The following USP7 variants were observed in gnomAD, a reference collection of about 807,000 sequenced individuals.
The protein encoded by USP7 is ubiquitin C-terminal hydrolase 7.
Under a neutral mutation model 162.9 loss-of-function variants are expected in USP7, and 9 were observed. The observed-to-expected ratio is 0.06, with a 90% CI of 0.03 to 0.10. USP7 has a LOEUF of 0.10. Ranked by LOEUF, USP7 falls within the 10% of genes least tolerant of loss-of-function variation. The pLI is 1.00. For missense variants in USP7, 715 were observed against 1,373.7 expected (o/e 0.52, Z 7.58); for synonymous variants, 562 against 475.9 (o/e 1.18, Z -2.35).
At chr16:8,926,812 AG>A (rs1233661804) in intron 2 of USP7, among the ~76,000 whole-genome samples, 1 of 152,202 alleles carries the variant, frequency 6.6e-6, no homozygotes, top group Non-Finnish European at 1.5e-5. Flanking sequence ...TAAATGACAA[AG>A]CAACAAACTT....
At chr16:8,946,244 A>G (rs565227133) in intron 1 of USP7, among the ~76,000 whole-genome samples, 11 of 152,310 alleles carry the variant, frequency 7.2e-5, no homozygotes, top group Non-Finnish European at 1.3e-4. Flanking sequence ...AAATATTTGG[A>G]CATAATACCA....
At chr16:8,901,285 G>A (rs760418018) in intron 18 of USP7, 51 bp from the exon 19 acceptor site, 4 of 1,292,426 alleles carry the variant, frequency 3.1e-6, no homozygotes, top group Non-Finnish European at 4.4e-6. Context: ...TCAGCACAAT[G>A]CTTAAAAAAC....
intron 6 of USP7, among the ~76,000 whole-genome samples, chr16:8,917,672 C>A (rs1460725066): frequency 2.6e-5 from 4 of 152,164 alleles, no homozygotes; most frequent in African/African-American, 9.7e-5. Context: ...AGCTACCGCA[C>A]CCAGCCTCAC....
intron 30 of USP7, 90 bp from the exon 31 acceptor site, chr16:8,894,194 G>A (rs756523988): frequency 1.7e-5 from 21 of 1,215,278 alleles, no homozygotes; most frequent in Non-Finnish European, 2.4e-5. Context: ...GCATCCCTGT[G>A]GCTCCCCAAG....
intron 1 of USP7, 113 bp downstream of exon 1, chr16:8,963,094 G>A (rs1182723595): frequency 3.0e-6 from 3 of 994,850 alleles, no homozygotes; most frequent in South Asian, 3.5e-5. Flanking sequence ...GAGGCCCGGC[G>A]GCCGCCCGGG....
chr16:8,948,922 C>T (rs1448377283), intron 1 of USP7, among the ~76,000 whole-genome samples: 1 of 152,104 alleles, frequency 6.6e-6, no homozygotes, highest in Non-Finnish European at 1.5e-5. Context: ...TATGATCAAA[C>T]CACGGCACTC....
chr16:8,943,815 C>T (rs1005857695), intron 1 of USP7, among the ~76,000 whole-genome samples: 7 of 152,162 alleles, frequency 4.6e-5, no homozygotes, highest in Non-Finnish European at 8.8e-5. Flanking sequence ...TGAGCATTCA[C>T]GCTGGGGGAT....
intron 1 of USP7, among the ~76,000 whole-genome samples, chr16:8,946,253 C>T (rs186177726): frequency 3.3e-5 from 5 of 152,068 alleles, no homozygotes; most frequent in African/African-American, 1.2e-4. Flanking sequence ...GACATAATAC[C>T]AAAAGCAAGG....
At chr16:8,918,864 T>C (rs1897522111) in intron 6 of USP7, among the ~76,000 whole-genome samples, 167 bp downstream of exon 6, 1 of 152,098 alleles carries the variant, frequency 6.6e-6, no homozygotes, top group Non-Finnish European at 1.5e-5. Flanking sequence ...GGTTACAAAG[T>C]AGGTGTCCCA....
intron 11 of USP7, 86 bp downstream of exon 11, chr16:8,910,659 C>G: frequency 3.9e-6 from 5 of 1,279,058 alleles, no homozygotes; most frequent in South Asian, 1.3e-5. Flanking sequence ...TGAAAAGGCA[C>G]AAGCAAATTT....
intron 1 of USP7, among the ~76,000 whole-genome samples, chr16:8,932,883 T>C (rs939620432): frequency 6.6e-6 from 1 of 152,094 alleles, no homozygotes; most frequent in Non-Finnish European, 1.5e-5. Flanking sequence ...TATATTTATG[T>C]ACTAACTGAA....
intron 1 of USP7, among the ~76,000 whole-genome samples, chr16:8,958,501 A>C (rs1368007981): frequency 6.6e-6 from 1 of 152,210 alleles, no homozygotes; most frequent in Non-Finnish European, 1.5e-5. Context: ...GCAGGCTGGA[A>C]GCAGGACCAA....
rs908624717 is a variant in USP7 at position 8,963,392 on chromosome 16, GCCT to G, written c.-110_-108del. The G allele has an allele frequency of 1.7e-4, 34 of 198,050 alleles. No homozygotes were observed. The highest frequency in any genetic ancestry group is 2.5e-4 in the Non-Finnish European group (29 of 114,630). 12.3% of individuals were successfully genotyped at this position (198,050 alleles called of 1,614,324 possible). On this transcript the variant is annotated 5_prime_UTR_variant, in exon 1 of 31. Transcript: ENST00000344836. ...CGGCGGCGGCGGCGGCGGCGGGGCGGCCTCCTCCTCCTCCTCCCGCGCGTCGTC... is the reference window on the plus strand; with the variant it reads ...CGGCGGCGGCGGCGGCGGCGGGGCGGCCTCCTCCTCCTCCCGCGCGTCGTC...
chr16:8,950,109 A>G (rs1325626024), intron 1 of USP7, among the ~76,000 whole-genome samples: 1 of 152,264 alleles, frequency 6.6e-6, no homozygotes, highest in Non-Finnish European at 1.5e-5. Flanking sequence ...TTTTATTTAA[A>G]TAGCCACATG....
intron 25 of USP7, 178 bp from the exon 26 acceptor site, chr16:8,897,277 C>CT: frequency 1.7e-6 from 1 of 600,426 alleles, no homozygotes; most frequent in Non-Finnish European, 3.0e-6. Context: ...AGTGAGGACA[C>CT]TGGCCCTAAT....
chr16:8,909,249 C>T (rs560727689), intron 11 of USP7, among the ~76,000 whole-genome samples: 6 of 152,338 alleles, frequency 3.9e-5, no homozygotes, highest in African/African-American at 1.4e-4. Flanking sequence ...CACTCCATGT[C>T]TGACTCACAG....
At chr16:8,899,996 A>G (rs2141169562) in intron 21 of USP7, 5 of 583,710 alleles carry the variant, frequency 8.6e-6, no homozygotes, top group South Asian at 8.4e-5. Context: ...ATCCCACTAC[A>G]AAACAAAACC....
chr16:8,948,556 C>A (rs2141258412), intron 1 of USP7, among the ~76,000 whole-genome samples: 1 of 152,298 alleles, frequency 6.6e-6, no homozygotes, highest in South Asian at 2.1e-4. Flanking sequence ...TTTAAAAATA[C>A]TGACTAAAGC....
At chr16:8,918,572 A>C (rs927865486) in intron 6 of USP7, among the ~76,000 whole-genome samples, 1 of 152,188 alleles carries the variant, frequency 6.6e-6, no homozygotes, top group African/African-American at 2.4e-5. Context: ...CCCCTTGGGA[A>C]GCTGAGGCAG....
Sources: allele counts gnomAD v4.1 joint callset (sites outside exome capture counted in the v4.1 genomes callset), GRCh38; gene constraint gnomAD v4.1.1; transcripts MANE v1.5; gene names NCBI Gene and HGNC (gene_info 2026-07-23, HGNC 2026-07-21).